The following PEX5 variants were observed in gnomAD, a reference collection of about 807,000 sequenced individuals.
PEX5 encodes PTS1 receptor.
In PEX5, 52 loss-of-function variants were observed where a neutral mutation model predicts 82.9. That is an observed-to-expected ratio of 0.63 (90% CI 0.50 to 0.79). The LOEUF (loss-of-function observed/expected upper bound fraction) is 0.79. Among genes scored for constraint, PEX5 ranks in the 30% least tolerant of loss-of-function variants. The pLI is 0.00. For synonymous variants in PEX5, 300 were observed against 318.8 expected, an observed-to-expected ratio of 0.94 and a Z score of 0.63; for missense variants, 719 against 815.2, an observed-to-expected ratio of 0.88 and a Z score of 1.44.
At chr12:7,203,373 T>TGTGGG (rs1944380672) in intron 9 of PEX5, 59 bp from the exon 10 acceptor site, 2 of 1,557,646 alleles carry the variant, frequency 1.3e-6, no homozygotes, top group Non-Finnish European at 8.7e-7. Context: ...CAGAGCTGAG[T>TGTGGG]GTGGGGTGGG....
intron 5 of PEX5, among the ~76,000 whole-genome samples, chr12:7,198,736 G>C (rs1032740674): frequency 2.6e-5 from 4 of 152,096 alleles, no homozygotes; most frequent in Non-Finnish European, 4.4e-5. Flanking sequence ...AAAAGAGTTT[G>C]GTTCTTAATC....
chr12:7,210,175 C>T lies in PEX5; in HGVS notation c.1872C>T (p.Asp624=), dbSNP rs148914171. The change falls in exon 16 of 16, where the codon GAC becomes GAT. Residue 624 remains aspartate, a synonymous_variant. Transcript: ENST00000675855. Reference sequence around the variant, plus strand: ...AGAGCGATGCCTATGGGGCAGCCGACGCGCGGGATCTGTCCACCCTCCTAA... The same window carrying T: ...AGAGCGATGCCTATGGGGCAGCCGATGCGCGGGATCTGTCCACCCTCCTAA... ...LGQSDAYGAA[D]ARDLSTLLTM... is the part of the protein sequence containing the mutation. The T allele has an allele frequency of 1.0e-4, 167 of 1,614,224 alleles. No individual in the cohort carries two copies. The African/African-American group carries it at 1.7e-3, about 16-fold the overall frequency.
At chr12:7,196,324 G>A (rs1459159830) in intron 5 of PEX5, among the ~76,000 whole-genome samples, 4 of 119,390 alleles carry the variant, frequency 3.4e-5, no homozygotes, top group Non-Finnish European at 6.7e-5. Context: ...AATTATATAT[G>A]TCATAATTTA....
intron 11 of PEX5, 41 bp from the exon 12 acceptor site, chr12:7,207,969 A>G: frequency 6.4e-7 from 1 of 1,562,532 alleles, no homozygotes; most frequent in South Asian, 1.1e-5. Flanking sequence ...GCGAATGGAG[A>G]GGTGAATATG....
At chr12:7,193,920 A>G (rs2135939932) in intron 5 of PEX5, among the ~76,000 whole-genome samples, 1 of 152,344 alleles carries the variant, frequency 6.6e-6, no homozygotes, top group African/African-American at 2.4e-5. Flanking sequence ...AGAGACATGC[A>G]AACCTTAGAA....
intron 1 of PEX5, 173 bp downstream of exon 1, chr12:7,189,923 A>C (rs1303212871): frequency 2.1e-6 from 3 of 1,456,994 alleles, no homozygotes; most frequent in Non-Finnish European, 1.8e-6. Context: ...CCGGTGACTT[A>C]AGGGGAGGGA....
chr12:7,191,260 C>T lies in PEX5; in HGVS notation c.218C>T (p.Pro73Leu), dbSNP rs1224552400. The T allele has an allele frequency of 1.2e-6, 2 of 1,613,974 alleles. No individual in the cohort carries two copies. The highest frequency in any genetic ancestry group is 1.3e-5 in the African/African-American group (1 of 74,890). Reference protein sequence around the residue: ...VAEFLQDQNAPLVSRAPQTFK... With the variant: ...VAEFLQDQNALLVSRAPQTFK... ...GAATTCCTGCAGGACCAGAATGCACCCCTTGTGTCCCGTGCCCCTCAGACC... is the reference window on the plus strand; with the variant it reads ...GAATTCCTGCAGGACCAGAATGCACTCCTTGTGTCCCGTGCCCCTCAGACC... Residue 73 changes from proline to leucine, a missense_variant, in exon 4 of 16, where the codon CCC (proline) becomes CTC (leucine). Transcript: ENST00000675855.
At chr12:7,209,599 A>AGAGT in intron 14 of PEX5, 84 bp from the exon 15 acceptor site, 1 of 1,492,736 alleles carries the variant, frequency 6.7e-7, no homozygotes, top group East Asian at 2.3e-5. Context: ...AGTAATGTGC[A>AGAGT]GAGTTTGAGC....
rs1591639974 is a variant in PEX5, at chr12:7,190,297, A to T, written c.-16-65A>T. ...CTGTGTGCCTTCCTCAGATACGGGC[A>T]GAGTTGTGGATGTGAGAAGGGTCTG... On this transcript the variant is annotated intron_variant, in intron 1 of 15. Coordinates refer to ENST00000675855, the MANE Select transcript of PEX5 (RefSeq NM_001351132.2). 6.3e-6 allele frequency: 10 copies of T among 1,599,340 alleles called. No individual in the cohort carries two copies. In the East Asian group the frequency reaches 2.2e-4, roughly 36 times the overall value.
rs772579298 is a variant in PEX5, at chr12:7,209,103, T to G, written c.1493T>G (p.Phe498Cys). Residue 498 changes from phenylalanine to cysteine, a missense_variant, in exon 14 of 16, where the codon TTC (phenylalanine) becomes TGC (cysteine). By Grantham distance (205) the Phe-to-Cys change is radical. Coordinates refer to ENST00000675855, the MANE Select transcript of PEX5 (RefSeq NM_001351132.2). ...GTGCAGTGTGGCTTGGGAGTCCTTT[T>G]CAACCTGAGTGGGGAGTATGACAAG... ...PDVQCGLGVL[F>C]NLSGEYDKAV... 38 of 1,614,036 alleles carry G rather than the reference T, an allele frequency of 2.4e-5. No homozygotes were observed. The highest frequency in any genetic ancestry group is 3.1e-5 in the Non-Finnish European group (37 of 1,180,018).
At chr12:7,216,092 C>T (rs1356472965), downstream of PEX5, among the ~76,000 whole-genome samples, 1 of 152,080 alleles carries the variant, frequency 6.6e-6, no homozygotes, top group African/African-American at 2.4e-5. Context: ...CTCAGCCTCC[C>T]GAGTAGCTGC....
At chr12:7,203,694 C>T in intron 10 of PEX5, 143 bp downstream of exon 10, 3 of 782,400 alleles carry the variant, frequency 3.8e-6, no homozygotes, top group Non-Finnish European at 6.4e-6. Context: ...TTCCCTTGCC[C>T]TTCCTCTTCA....
At chr12:7,200,342 A>C (rs1591735287) in intron 6 of PEX5, among the ~76,000 whole-genome samples, 1 of 144,022 alleles carries the variant, frequency 6.9e-6, no homozygotes, top group Non-Finnish European at 1.5e-5. Context: ...GGCGGCTGGG[A>C]AGAGGCGCTC....
chr12:7,205,837 C>G (rs1045232103), intron 10 of PEX5, among the ~76,000 whole-genome samples: 1 of 152,182 alleles, frequency 6.6e-6, no homozygotes, highest in East Asian at 1.9e-4. Context: ...GTTGTATTAT[C>G]TAATGAAGAC....
chr12:7,194,935 A>G (rs1941825024), intron 5 of PEX5, among the ~76,000 whole-genome samples: 1 of 152,220 alleles, frequency 6.6e-6, no homozygotes, highest in Non-Finnish European at 1.5e-5. Context: ...TACTGTATTC[A>G]TTGGTTTTCA....
chr12:7,203,589 T>G (rs1376308910), intron 10 of PEX5, 38 bp downstream of exon 10: 2 of 1,594,012 alleles, frequency 1.3e-6, no homozygotes, highest in Admixed American at 3.5e-5. Context: ...GTTCCAGAAC[T>G]TCCTTCTTTT....
At chr12:7,201,449 A>G (rs368525891) in intron 6 of PEX5, among the ~76,000 whole-genome samples, 2 of 152,302 alleles carry the variant, frequency 1.3e-5, no homozygotes, top group South Asian at 4.1e-4. Flanking sequence ...ATCCTATATG[A>G]CGTTCATAAC....
rs1255811138 is a variant in PEX5, at chr12:7,191,631, G to A, written c.379G>A (p.Asp127Asn). 6.2e-7 allele frequency: 1 copy of A among 1,613,614 alleles called. No individual in the cohort carries two copies. The highest frequency in any genetic ancestry group is 8.5e-7 in the Non-Finnish European group (1 of 1,179,498). The change falls in exon 5 of 16, where the codon GAT becomes AAT. Residue 127 changes from aspartate (D) to asparagine (N), a missense_variant. Asp to Asn is a conservative substitution (Grantham distance 23). Transcript: ENST00000675855. ...GGCCCAGGAGTTTCTTGCAGCTGGA[G>A]ATGCTGTGGATGTAACTCAGGATTA... is the stretch of plus-strand genomic sequence containing the variant. The part of the protein sequence containing the change: ...NWAQEFLAAG[D>N]AVDVTQDYNE...
chr12:7,195,117 A>G (rs1266305106), intron 5 of PEX5, among the ~76,000 whole-genome samples: 2 of 152,216 alleles, frequency 1.3e-5, no homozygotes, highest in Non-Finnish European at 2.9e-5. Flanking sequence ...TTTAGCAGAC[A>G]CAGAAACTTT....
Sources: allele counts gnomAD v4.1 joint callset (sites outside exome capture counted in the v4.1 genomes callset), GRCh38; gene constraint gnomAD v4.1.1; transcripts MANE v1.5; gene names NCBI Gene and HGNC (gene_info 2026-07-23, HGNC 2026-07-21).